Variants in NRG2 observed in about 807,000 individuals in gnomAD.
NRG2 encodes pro-neuregulin-2, membrane-bound isoform.
Under a neutral mutation model 73.9 loss-of-function variants are expected in NRG2, and 27 were observed. The observed-to-expected ratio is 0.37, with a 90% CI of 0.27 to 0.50. The LOEUF (loss-of-function observed/expected upper bound fraction) is 0.50, where lower values mean the gene tolerates loss of function less well. Ranked by LOEUF, NRG2 falls within the 20% of genes least tolerant of loss-of-function variation. The probability of loss-of-function intolerance (pLI) is 0.96; values close to 1 mark genes in which losing one functional copy is unlikely to be tolerated. For synonymous variants in NRG2, 532 were observed against 541.0 expected (o/e 0.98, Z 0.23); for missense variants, 1,126 against 1,210.1 (o/e 0.93, Z 1.03).
At position 139,892,520 on chromosome 5, in the gene NRG2, G is replaced by A. The variant is rs62383898; in HGVS notation, c.701-5009C>T. On this transcript the variant is annotated intron_variant, in intron 1 of 9. Coordinates refer to ENST00000361474, the MANE Select transcript of NRG2 (RefSeq NM_004883.3). ...TTATGCATCCAGAGACAGCTCTAAC[G>A]GGACCTCAGACATGACTGGGCTAGA... 4.2e-3 allele frequency among the ~76,000 whole-genome samples: 641 copies of A among 152,176 alleles called. 3 individuals are homozygous for A. The highest frequency in any genetic ancestry group is 3.7e-3 in the Non-Finnish European group (250 of 68,002).
chr5:139,886,664 G>A (rs1038957261), intron 2 of NRG2, among the ~76,000 whole-genome samples: 1 of 152,154 alleles, frequency 6.6e-6, no homozygotes, highest in African/African-American at 2.4e-5. Flanking sequence ...GGCTGCCTTG[G>A]ACTAGCGGCT....
At chr5:139,910,090 C>A (rs1765481433) in intron 1 of NRG2, among the ~76,000 whole-genome samples, 1 of 152,086 alleles carries the variant, frequency 6.6e-6, no homozygotes, top group Non-Finnish European at 1.5e-5. Flanking sequence ...TTGTTTGGGC[C>A]CAGTTTTGCT....
intron 5 of NRG2, among the ~76,000 whole-genome samples, chr5:139,858,182 G>A (rs1164113636): frequency 6.6e-6 from 1 of 152,156 alleles, no homozygotes. Flanking sequence ...CTTCCTTTTG[G>A]ATCTCATCTG....
chr5:139,884,810 C>A (rs1381404008), intron 2 of NRG2, among the ~76,000 whole-genome samples: 1 of 152,254 alleles, frequency 6.6e-6, no homozygotes, highest in Non-Finnish European at 1.5e-5. Context: ...GAAATGAATT[C>A]TCAGAGGGGC....
intron 1 of NRG2, among the ~76,000 whole-genome samples, chr5:140,009,629 G>C (rs1004201305): frequency 6.6e-6 from 1 of 152,192 alleles, no homozygotes; most frequent in East Asian, 1.9e-4. Flanking sequence ...CAATGAATGA[G>C]AGGATGTCCC....
chr5:139,858,621 C>T (rs115143294), intron 5 of NRG2, among the ~76,000 whole-genome samples: 1,827 of 152,266 alleles, frequency 0.012, 24 homozygotes, highest in Non-Finnish European at 0.018. Context: ...TAGACATTGA[C>T]ATATCTGCAC....
chr5:139,998,631 C>T (rs781093848), intron 1 of NRG2, among the ~76,000 whole-genome samples: 1 of 152,124 alleles, frequency 6.6e-6, no homozygotes, highest in African/African-American at 2.4e-5. Flanking sequence ...CTCTAGTCAC[C>T]AAAAGTAGAG....
chr5:139,920,116 C>CTA (rs1011802632), intron 1 of NRG2, among the ~76,000 whole-genome samples: 1 of 152,192 alleles, frequency 6.6e-6, no homozygotes, highest in Non-Finnish European at 1.5e-5. Flanking sequence ...GACGTATAGA[C>CTA]TATATCAAGA....
intron 2 of NRG2, among the ~76,000 whole-genome samples, chr5:139,883,430 G>GA: frequency 6.6e-6 from 1 of 152,120 alleles, no homozygotes; most frequent in East Asian, 1.9e-4. Context: ...ATTTGGGGGG[G>GA]CAGTTTGCTC....
At position 139,869,184 on chromosome 5, in the gene NRG2, AG is replaced by A. The variant is rs2127065275; in HGVS notation, c.1112+2536del. ...TTTTGGCACTGAATTCCAGAAAAACAGGAGGGACGGAGTGTGCCTGCTTTCC... is the reference window on the plus strand; with the variant it reads ...TTTTGGCACTGAATTCCAGAAAAACAGAGGGACGGAGTGTGCCTGCTTTCC... On this transcript the variant is annotated intron_variant, in intron 4 of 9. Coordinates refer to ENST00000361474, the MANE Select transcript of NRG2 (RefSeq NM_004883.3). This position sits in a 1 kb window ranked among gnomAD's most constrained non-coding sequence, Gnocchi z 4.5. Among the ~76,000 whole-genome samples the A allele has an allele frequency of 6.6e-6, 1 of 152,174 alleles. No individual in the cohort carries two copies. The highest frequency in any genetic ancestry group is 2.4e-5 in the African/African-American group (1 of 41,518).
At chr5:139,911,888 A>G (rs1750853501) in intron 1 of NRG2, among the ~76,000 whole-genome samples, 1 of 152,176 alleles carries the variant, frequency 6.6e-6, no homozygotes, top group Admixed American at 6.5e-5. Context: ...TTATTTATAT[A>G]ATGACATAAT....
chr5:140,009,306 A>G (rs1286308448), intron 1 of NRG2, among the ~76,000 whole-genome samples: 1 of 152,214 alleles, frequency 6.6e-6, no homozygotes, highest in Non-Finnish European at 1.5e-5. Flanking sequence ...TCCTAAATCT[A>G]AGAACCAGAT....
chr5:139,960,805 T>G (rs1349541854), intron 1 of NRG2, among the ~76,000 whole-genome samples: 1 of 152,062 alleles, frequency 6.6e-6, no homozygotes, highest in Non-Finnish European at 1.5e-5. Context: ...GGACAGAACC[T>G]CCCAACATCA....
chr5:139,978,967 C>A (rs1271660184), intron 1 of NRG2, among the ~76,000 whole-genome samples: 1 of 151,446 alleles, frequency 6.6e-6, no homozygotes, highest in African/African-American at 2.4e-5. Flanking sequence ...CCATCATTCT[C>A]AGCAAACTAT....
rs560227058 is a variant in NRG2, at chr5:139,894,722, T to C, written c.701-7211A>G. ...AAATACCCACATGCAACAGTCCCTA[T>C]GATGTACGAGGCACTTACCAGTCAC... is the stretch of plus-strand genomic sequence containing the variant. On this transcript the variant is annotated intron_variant, in intron 1 of 9. Transcript: ENST00000361474. This position sits in a 1 kb window ranked among gnomAD's most constrained non-coding sequence, Gnocchi z 5.0. Among the ~76,000 whole-genome samples the C allele has an allele frequency of 6.6e-6, 1 of 152,290 alleles. No homozygotes were observed. Among genetic ancestry groups the C allele is most frequent in the East Asian group, 1.9e-4 (1 of 5,174 alleles).
In NRG2 at chr5:139,887,314, T is replaced by A; in HGVS notation, c.872+26A>T. The A allele has an allele frequency of 6.2e-7, 1 of 1,612,096 alleles. No individual in the cohort carries two copies. Among genetic ancestry groups the A allele is most frequent in the Middle Eastern group, 1.7e-4 (1 of 6,034 alleles). Reference sequence around the variant, plus strand: ...AGAGGAGGGAGGGCAGCTGCTTGGATGGAGGACAGGCTGGATATTGCTTAC... The same window carrying A: ...AGAGGAGGGAGGGCAGCTGCTTGGAAGGAGGACAGGCTGGATATTGCTTAC... On this transcript the variant is annotated intron_variant, in intron 2 of 9. Coordinates refer to ENST00000361474, the MANE Select transcript of NRG2 (RefSeq NM_004883.3). This position sits in a 1 kb window ranked among gnomAD's most constrained non-coding sequence, Gnocchi z 4.5.
chr5:139,849,864 T>G (rs1460618838), intron 9 of NRG2, among the ~76,000 whole-genome samples: 1 of 152,184 alleles, frequency 6.6e-6, no homozygotes, highest in Non-Finnish European at 1.5e-5. Flanking sequence ...CCTCCTTCAC[T>G]CTATGCAGTT....
At chr5:139,890,473 C>CTTTTTTTTTTTT (rs11288649) in intron 1 of NRG2, among the ~76,000 whole-genome samples, 1 of 106,030 alleles carries the variant, frequency 9.4e-6, no homozygotes, top group Non-Finnish European at 2.0e-5. Context: ...TTCTTTCTTT[C>CTTTTTTTTTTTT]TTTTTTTTTT....
chr5:139,916,755 T>G (rs1751285452), intron 1 of NRG2, among the ~76,000 whole-genome samples: 1 of 152,240 alleles, frequency 6.6e-6, no homozygotes, highest in African/African-American at 2.4e-5. Context: ...CGAATAGTAT[T>G]CCATTATATG....
Sources: gnomAD v4.1 joint callset for allele counts (sites outside exome capture counted in the v4.1 genomes callset) on GRCh38, gnomAD v4.1.1 for gene constraint, Gnocchi (gnomAD v3.1) non-coding constraint, MANE v1.5 for transcripts, NCBI Gene and HGNC (gene_info 2026-07-23, HGNC 2026-07-21) for gene names.